PTPN1: variants seen among roughly 807,000 people sequenced by gnomAD.
PTPN1 encodes the protein tyrosine-protein phosphatase non-receptor type 1.
In PTPN1, 12 loss-of-function variants were observed where a neutral mutation model predicts 59.9. That is an observed-to-expected ratio of 0.20 (90% CI 0.13 to 0.32). The LOEUF (loss-of-function observed/expected upper bound fraction) is 0.32. Among genes scored for constraint, PTPN1 ranks in the 10% least tolerant of loss-of-function variants. The probability of loss-of-function intolerance (pLI) is 1.00; values close to 1 mark genes in which losing one functional copy is unlikely to be tolerated. For synonymous variants in PTPN1, 178 were observed against 203.6 expected, an observed-to-expected ratio of 0.87 and a Z score of 1.07; for missense variants, 356 against 549.2, an observed-to-expected ratio of 0.65 and a Z score of 3.52.
intron 1 of PTPN1, among the ~76,000 whole-genome samples, chr20:50,547,623 A>G (rs1273313358): frequency 6.6e-6 from 1 of 152,122 alleles, no homozygotes; most frequent in African/African-American, 2.4e-5. Flanking sequence ...CGGCCTCCCA[A>G]AGTGCTGGGA....
rs2082876554 is a variant in PTPN1, at chr20:50,582,948, T to C, written c.*233T>C. On this transcript the variant is annotated 3_prime_UTR_variant, in exon 10 of 10. Coordinates refer to ENST00000371621, the MANE Select transcript of PTPN1 (RefSeq NM_002827.4). This position sits in a 1 kb window ranked among gnomAD's most constrained non-coding sequence, Gnocchi z 4.2. ...GAGTACCAAATCCACAAGCCATTTT[T>C]TGAGGAGAGTGAAAGAGAGTACCAT... The C allele has an allele frequency of 1.7e-6, 1 of 594,734 alleles. No individual in the cohort carries two copies. Among genetic ancestry groups the C allele is most frequent in the Admixed American group, 2.8e-5 (1 of 35,692 alleles). 36.8% of individuals were successfully genotyped at this position (594,734 alleles called of 1,614,324 possible). A position where few individuals can be genotyped will look rare whatever the true frequency, so the allele number is the denominator to read the frequency against.
chr20:50,559,045 T>G (rs1327680805), intron 1 of PTPN1, among the ~76,000 whole-genome samples: 1 of 150,598 alleles, frequency 6.6e-6, no homozygotes, highest in Admixed American at 6.6e-5. Flanking sequence ...TTTTTTTTTT[T>G]TTTTTTGAGA....
intron 1 of PTPN1, among the ~76,000 whole-genome samples, chr20:50,537,383 C>T (rs774910958): frequency 3.9e-5 from 6 of 152,056 alleles, no homozygotes; most frequent in Admixed American, 1.3e-4. Flanking sequence ...ATCCCATGTG[C>T]GCTTTGCCTA....
chr20:50,542,902 A>G (rs2082658896), intron 1 of PTPN1, among the ~76,000 whole-genome samples: 1 of 152,252 alleles, frequency 6.6e-6, no homozygotes, highest in Admixed American at 6.5e-5. Flanking sequence ...GAGAGGAAAG[A>G]GATAAGAATA....
intron 1 of PTPN1, among the ~76,000 whole-genome samples, 157 bp downstream of exon 1, chr20:50,510,747 C>T (rs1000942905): frequency 6.6e-6 from 1 of 152,040 alleles, no homozygotes; most frequent in African/African-American, 2.4e-5. Context: ...GTCCCCCCAC[C>T]CTTTGTCCCC....
At chr20:50,526,861 T>G (rs1039385254) in intron 1 of PTPN1, among the ~76,000 whole-genome samples, 1 of 152,084 alleles carries the variant, frequency 6.6e-6, no homozygotes. Context: ...GCTCTTCCCC[T>G]GTCTTTGTCT....
chr20:50,560,752 ATTT>A (rs755221375), intron 1 of PTPN1, among the ~76,000 whole-genome samples: 1 of 151,970 alleles, frequency 6.6e-6, no homozygotes, highest in Non-Finnish European at 1.5e-5. Context: ...ACAATATAAA[ATTT>A]TTTAAGTAAT....
Position 50,583,452 on chromosome 20 carries a change from A to T in PTPN1, c.*737A>T, listed in dbSNP as rs1168656324. ...TGTCCCGCTTATTCTCCTCCCTGTT[A>T]TCTGCTAGATCTAGTTCTCAATCAC... On this transcript the variant is annotated 3_prime_UTR_variant, in exon 10 of 10. Transcript: ENST00000371621. The T allele has an allele frequency of 6.6e-6, 1 of 152,300 alleles. No individual in the cohort carries two copies. Among genetic ancestry groups the T allele is most frequent in the Non-Finnish European group, 1.5e-5 (1 of 68,080 alleles). The allele number at this position is 152,300 out of a possible 1,614,324, so 9.4% of individuals were successfully genotyped here. A position where few individuals can be genotyped will look rare whatever the true frequency, so the allele number is the denominator to read the frequency against.
Position 50,582,839 on chromosome 20 carries a change from C to T in PTPN1, c.*124C>T, listed in dbSNP as rs1601418203. 1.6e-5 allele frequency: 19 copies of T among 1,221,516 alleles called. No homozygotes were observed. In the Admixed American group the frequency reaches 1.6e-4, roughly 10 times the overall value. The allele number at this position is 1,221,516 out of a possible 1,614,324, so 75.7% of individuals were successfully genotyped here. On this transcript the variant is annotated 3_prime_UTR_variant, in exon 10 of 10. Transcript: ENST00000371621. The surrounding 1 kb of genome is among the most constrained non-coding windows in gnomAD (Gnocchi z 4.2). Reference sequence around the variant, plus strand: ...ACCGCGTAGAGAGCCGGGCCCCGGACGGACGTTGGTTCTGCACTAAAACCC... The same window carrying T: ...ACCGCGTAGAGAGCCGGGCCCCGGATGGACGTTGGTTCTGCACTAAAACCC...
In PTPN1 at chr20:50,579,332, C is replaced by T. The variant is rs745692868; in HGVS notation, c.864+3C>T. ...TCATGGGGGACTCTTCCGTGCAGGTCAGCATTGCCTTTGTTTGAATCCAGG... is the reference window on the plus strand; with the variant it reads ...TCATGGGGGACTCTTCCGTGCAGGTTAGCATTGCCTTTGTTTGAATCCAGG... On this transcript the variant is annotated splice_donor_region_variant and intron_variant, in intron 7 of 9. Transcript: ENST00000371621. 1 of 1,612,782 alleles carries T rather than the reference C, an allele frequency of 6.2e-7. No homozygotes were observed. Among genetic ancestry groups the T allele is most frequent in the Non-Finnish European group, 8.5e-7 (1 of 1,179,000 alleles).
chr20:50,536,918 T>C (rs1159502567), intron 1 of PTPN1, among the ~76,000 whole-genome samples: 1 of 152,248 alleles, frequency 6.6e-6, no homozygotes, highest in Non-Finnish European at 1.5e-5. Context: ...TTTTTCTTTA[T>C]TCCTATCACT....
intron 1 of PTPN1, among the ~76,000 whole-genome samples, chr20:50,533,709 G>T (rs2082611494): frequency 6.6e-6 from 1 of 151,970 alleles, no homozygotes; most frequent in South Asian, 2.1e-4. Flanking sequence ...CAGAAAGGAA[G>T]ATTTGATGTA....
rs192392751 is a variant in PTPN1, at chr20:50,582,665, C to T, written c.1285-27C>T. 194 of 1,612,818 alleles carry T rather than the reference C, an allele frequency of 1.2e-4. 2 individuals carry two copies. The South Asian group carries it at 2.0e-3, about 17-fold the overall frequency. On this transcript the variant is annotated intron_variant, in intron 9 of 9. Transcript: ENST00000371621. The surrounding 1 kb of genome is among the most constrained non-coding windows in gnomAD (Gnocchi z 4.2). ...AGCTCTGCAGGTGCGGGTCTGGGCTCATCTGAACTGTTTGGTTTCATTCCA... is the reference window on the plus strand; with the variant it reads ...AGCTCTGCAGGTGCGGGTCTGGGCTTATCTGAACTGTTTGGTTTCATTCCA...
intron 1 of PTPN1, among the ~76,000 whole-genome samples, chr20:50,559,005 G>A (rs1486187195): frequency 4.6e-5 from 7 of 150,684 alleles, no homozygotes; most frequent in Admixed American, 1.3e-4. Context: ...GATGATAAAG[G>A]TATTGAGACC....
chr20:50,542,309 A>G (rs1053882781), intron 1 of PTPN1, among the ~76,000 whole-genome samples: 1 of 152,226 alleles, frequency 6.6e-6, no homozygotes, highest in Non-Finnish European at 1.5e-5. Flanking sequence ...GAAATTTTAT[A>G]TGGTTTGCTT....
chr20:50,525,864 T>C (rs2082572904), intron 1 of PTPN1, among the ~76,000 whole-genome samples: 1 of 152,232 alleles, frequency 6.6e-6, no homozygotes, highest in East Asian at 1.9e-4. Flanking sequence ...CCATAGTTCA[T>C]AAGCTCCTTG....
At chr20:50,516,046 A>C (rs1247328296) in intron 1 of PTPN1, among the ~76,000 whole-genome samples, 2 of 152,228 alleles carry the variant, frequency 1.3e-5, no homozygotes, top group Non-Finnish European at 2.9e-5. Context: ...CTTTACAGGC[A>C]ACTTGGAGGT....
Position 50,582,751 on chromosome 20 carries a change from C to T in PTPN1, c.*36C>T, listed in dbSNP as rs758989831. 8.7e-6 allele frequency: 14 copies of T among 1,612,178 alleles called. No homozygotes were observed. The highest frequency in any genetic ancestry group is 2.2e-5 in the South Asian group (2 of 90,586). On this transcript the variant is annotated 3_prime_UTR_variant, in exon 10 of 10. Transcript: ENST00000371621. The surrounding 1 kb of genome is among the most constrained non-coding windows in gnomAD (Gnocchi z 4.2). ...CTCCACTCCACCTCCACCCACTGTC[C>T]GCCTCTGCCCGCAGAGCCCACGCCC...
chr20:50,558,209 T>C (rs1453839570), intron 1 of PTPN1, among the ~76,000 whole-genome samples: 1 of 152,164 alleles, frequency 6.6e-6, no homozygotes, highest in Non-Finnish European at 1.5e-5. Context: ...TCTTATAGCC[T>C]TACAGAATGA....
Sources: gnomAD v4.1 joint callset for allele counts (sites outside exome capture counted in the v4.1 genomes callset) on GRCh38, gnomAD v4.1.1 for gene constraint, Gnocchi (gnomAD v3.1) non-coding constraint, MANE v1.5 for transcripts, NCBI Gene and HGNC (gene_info 2026-07-23, HGNC 2026-07-21) for gene names.